The following SORCS3 variants were observed in gnomAD, a reference collection of about 807,000 sequenced individuals.
The protein encoded by SORCS3 is sortilin related VPS10 domain containing receptor 3.
In SORCS3, 57 loss-of-function variants were observed where a neutral mutation model predicts 146.3. The ratio of observed to expected loss-of-function variants is 0.39; its 90% CI spans 0.31 to 0.49. SORCS3 has a LOEUF of 0.49. Ranked by LOEUF, SORCS3 falls within the 20% of genes least tolerant of loss-of-function variation. The pLI, the probability that SORCS3 is intolerant of heterozygous loss-of-function variation, is 0.92. For synonymous variants in SORCS3, 653 were observed against 618.5 expected (o/e 1.06, Z -0.83); for missense variants, 1,341 against 1,575.5 (o/e 0.85, Z 2.52).
chr10:105,049,293 G>A lies in SORCS3; in HGVS notation c.1028+6165G>A, dbSNP rs1300601166. Among the ~76,000 whole-genome samples, 3 of 152,200 alleles carry A rather than the reference G, an allele frequency of 2.0e-5. No individual in the cohort carries two copies. The East Asian group carries it at 5.8e-4, about 29-fold the overall frequency. ...CATATCTGTCCTGACCATCATGGGA[G>A]TTACTTTCTCATCCTCTCCTTCCCT... On this transcript the variant is annotated intron_variant, in intron 5 of 26. Coordinates refer to ENST00000369701, the MANE Select transcript of SORCS3 (RefSeq NM_014978.3).
chr10:105,078,246 C>T (rs2055601428), intron 5 of SORCS3, among the ~76,000 whole-genome samples: 1 of 152,076 alleles, frequency 6.6e-6, no homozygotes, highest in African/African-American at 2.4e-5. Flanking sequence ...GGTTATTGTT[C>T]CCATTCATGT....
intron 7 of SORCS3, among the ~76,000 whole-genome samples, chr10:105,121,439 A>G (rs1226605950): frequency 6.6e-6 from 1 of 152,214 alleles, no homozygotes; most frequent in Non-Finnish European, 1.5e-5. Flanking sequence ...AAGGTCAAGG[A>G]TATGACCTCA....
intron 4 of SORCS3, among the ~76,000 whole-genome samples, chr10:104,979,647 T>C (rs1050207962): frequency 2.0e-5 from 3 of 152,132 alleles, no homozygotes; most frequent in African/African-American, 4.8e-5. Context: ...CTATGTCTCG[T>C]TAACCAAGCC....
chr10:104,742,209 A>C (rs1456587021), intron 1 of SORCS3, among the ~76,000 whole-genome samples: 1 of 152,180 alleles, frequency 6.6e-6, no homozygotes, highest in East Asian at 1.9e-4. Flanking sequence ...GGACAGTGGC[A>C]CATGCAGAAA....
chr10:104,912,409 G>A (rs1326317473), intron 2 of SORCS3, among the ~76,000 whole-genome samples: 2 of 152,178 alleles, frequency 1.3e-5, no homozygotes, highest in Non-Finnish European at 2.9e-5. Context: ...CACTGCCTAG[G>A]ATAGTTGCTC....
intron 13 of SORCS3, 55 bp downstream of exon 13, chr10:105,167,404 A>T (rs1397550912): frequency 7.7e-7 from 1 of 1,302,188 alleles, no homozygotes; most frequent in African/African-American, 1.5e-5. Context: ...TTTAGTGGAG[A>T]GGATTGTGAT....
intron 2 of SORCS3, among the ~76,000 whole-genome samples, chr10:104,915,518 TG>T (rs1334447077): frequency 2.6e-4 from 2 of 7,722 alleles, no homozygotes; most frequent in East Asian, 6.2e-3. Flanking sequence ...AGAGCTGGGG[TG>T]GGGGGGTGGG....
intron 5 of SORCS3, among the ~76,000 whole-genome samples, chr10:105,055,666 G>A (rs1432376529): frequency 2.0e-5 from 3 of 152,094 alleles, no homozygotes; most frequent in Non-Finnish European, 1.5e-5. Context: ...GTAGCAAATG[G>A]CACATAGCAT....
At chr10:104,774,094 C>T (rs1314385885) in intron 1 of SORCS3, among the ~76,000 whole-genome samples, 3 of 152,180 alleles carry the variant, frequency 2.0e-5, no homozygotes, top group Non-Finnish European at 1.5e-5. Flanking sequence ...ATTTCACAAG[C>T]CATCTCCCAT....
chr10:105,171,217 A>G (rs934279633), intron 13 of SORCS3, among the ~76,000 whole-genome samples: 5 of 152,214 alleles, frequency 3.3e-5, no homozygotes, highest in Non-Finnish European at 7.3e-5. Flanking sequence ...AATTGAAATG[A>G]TAGGTAGCCA....
chr10:105,010,290 C>G (rs141977556), intron 4 of SORCS3, among the ~76,000 whole-genome samples: 151 of 152,352 alleles, frequency 9.9e-4, no homozygotes, highest in African/African-American at 3.4e-3. Context: ...CTCCCCTATA[C>G]TACTTTTGCA....
intron 1 of SORCS3, among the ~76,000 whole-genome samples, chr10:104,829,851 G>C (rs1055022212): frequency 1.3e-5 from 2 of 152,074 alleles, no homozygotes; most frequent in Admixed American, 6.6e-5. Context: ...CTCCCAGCCT[G>C]TTCTGTGTCA....
At chr10:104,984,055 C>G (rs1485139403) in intron 4 of SORCS3, among the ~76,000 whole-genome samples, 1 of 152,108 alleles carries the variant, frequency 6.6e-6, no homozygotes, top group Non-Finnish European at 1.5e-5. Context: ...TCAGCCACTA[C>G]CTTCCACCCT....
intron 1 of SORCS3, among the ~76,000 whole-genome samples, chr10:104,761,955 G>A (rs2017126608): frequency 6.6e-6 from 1 of 152,266 alleles, no homozygotes; most frequent in Admixed American, 6.5e-5. Context: ...GCTTGTGTGT[G>A]CTTTTCTATG....
At chr10:105,195,122 C>T (rs2056536907) in intron 14 of SORCS3, among the ~76,000 whole-genome samples, 1 of 152,264 alleles carries the variant, frequency 6.6e-6, no homozygotes. Flanking sequence ...TTCTTCCATC[C>T]TAGCTATCTC....
At chr10:105,160,603 G>A (rs2056254162) in intron 11 of SORCS3, among the ~76,000 whole-genome samples, 1 of 152,084 alleles carries the variant, frequency 6.6e-6, no homozygotes, top group Non-Finnish European at 1.5e-5. Flanking sequence ...CTCCAGCCTG[G>A]GTGACACAGT....
intron 5 of SORCS3, among the ~76,000 whole-genome samples, chr10:105,083,417 G>C (rs987709786): frequency 3.3e-5 from 5 of 152,080 alleles, no homozygotes; most frequent in African/African-American, 1.2e-4. Context: ...TTTGGTCCTA[G>C]AAATGTGAAG....
chr10:104,919,920 A>G (rs971779123), intron 3 of SORCS3, among the ~76,000 whole-genome samples: 1 of 152,224 alleles, frequency 6.6e-6, no homozygotes, highest in South Asian at 2.1e-4. Context: ...TTAGGCAAAA[A>G]GAAAATTTGA....
intron 4 of SORCS3, among the ~76,000 whole-genome samples, chr10:105,034,594 T>A (rs1049234776): frequency 1.3e-5 from 2 of 152,182 alleles, no homozygotes; most frequent in African/African-American, 4.8e-5. Flanking sequence ...TCATCTATGA[T>A]CTCAAATGGA....
Sources: allele counts gnomAD v4.1 joint callset (sites outside exome capture counted in the v4.1 genomes callset), GRCh38; gene constraint gnomAD v4.1.1; transcripts MANE v1.5; gene names NCBI Gene and HGNC (gene_info 2026-07-23, HGNC 2026-07-21).